NEDD1: variants seen among roughly 807,000 people sequenced by gnomAD.
The protein encoded by NEDD1 is protein NEDD1.
NEDD1 carries 33 observed loss-of-function variants against 74.0 expected under a neutral mutation model. The ratio of observed to expected loss-of-function variants is 0.45; its 90% CI spans 0.34 to 0.60. The LOEUF (loss-of-function observed/expected upper bound fraction) is 0.60, where lower values mean the gene tolerates loss of function less well. Ranked by LOEUF, NEDD1 falls within the 20% of genes least tolerant of loss-of-function variation. The pLI is 0.01. For missense variants in NEDD1, 746 were observed against 776.5 expected, an observed-to-expected ratio of 0.96 and a Z score of 0.47; for synonymous variants, 250 against 264.4, an observed-to-expected ratio of 0.95 and a Z score of 0.53.
chr12:96,907,335 C>T (rs112622130), intron 1 of NEDD1, 35 bp downstream of exon 1: 7,128 of 379,708 alleles, frequency 0.019, 443 homozygotes, highest in African/African-American at 0.13. Flanking sequence ...CAGCGGGCCC[C>T]CGCCCGCCGC....
chr12:96,941,039 G>A (rs577797104), intron 10 of NEDD1, among the ~76,000 whole-genome samples: 173 of 152,124 alleles, frequency 1.1e-3, no homozygotes, highest in Non-Finnish European at 2.3e-3. Flanking sequence ...CATTGTTTAG[G>A]TGTGTCTTTT....
intron 7 of NEDD1, among the ~76,000 whole-genome samples, chr12:96,936,016 G>A (rs1418210603): frequency 1.3e-5 from 2 of 152,056 alleles, no homozygotes; most frequent in Non-Finnish European, 2.9e-5. Context: ...TTTACTGAGA[G>A]CCCAGTAAGC....
At chr12:96,936,576 A>C in intron 7 of NEDD1, 35 bp from the exon 8 acceptor site, 1 of 1,466,004 alleles carries the variant, frequency 6.8e-7, no homozygotes, top group Admixed American at 1.7e-5. Context: ...GTACACACTA[A>C]CATTTCTACA....
Position 96,930,201 on chromosome 12 carries a change from ACACACACACACTCTCTCTCT to A in NEDD1, c.490-4773_490-4754del, listed in dbSNP as rs1391519055. 7.0e-3 allele frequency among the ~76,000 whole-genome samples: 437 copies of A among 62,404 alleles called. 5 individuals are homozygous for A. The highest frequency in any genetic ancestry group is 0.024 in the African/African-American group (425 of 17,648). The allele number at this position is 62,404 out of a possible 152,430, so 40.9% of individuals were successfully genotyped here. A position where few individuals can be genotyped will look rare whatever the true frequency, so the allele number is the denominator to read the frequency against. The stretch of plus-strand genomic sequence containing the variant: ...CACACACACACACACACACACACAC[ACACACACACACTCTCTCTCT>A]CTCTCTCTCTCTCTCTCTCTCTCAC... On this transcript the variant is annotated intron_variant, in intron 6 of 15. Coordinates refer to ENST00000266742, the MANE Select transcript of NEDD1 (RefSeq NM_152905.4).
At position 96,909,242 on chromosome 12, in the gene NEDD1, A is replaced by G. The variant is rs541116603; in HGVS notation, c.-8-510A>G. 1.9e-4 allele frequency among the ~76,000 whole-genome samples: 29 copies of G among 151,756 alleles called. No homozygotes were observed. In the South Asian group the frequency reaches 3.3e-3, roughly 17 times the overall value. On this transcript the variant is annotated intron_variant, in intron 2 of 15. Coordinates refer to ENST00000266742, the MANE Select transcript of NEDD1 (RefSeq NM_152905.4). ...GAAAAAAATGAAATCAGGTATTGGG[A>G]TATAGGGTAAACTGCTAAGTCCCTT...
chr12:96,940,273 TTC>T (rs1877534258), intron 9 of NEDD1, 134 bp from the exon 10 acceptor site: 2 of 463,120 alleles, frequency 4.3e-6, no homozygotes, highest in Non-Finnish European at 7.7e-6. Flanking sequence ...TCTTGTCATA[TTC>T]TGTTTTATTC....
intron 10 of NEDD1, among the ~76,000 whole-genome samples, chr12:96,941,788 T>C (rs1877687469): frequency 1.3e-5 from 2 of 152,152 alleles, no homozygotes; most frequent in South Asian, 4.1e-4. Flanking sequence ...AAAATGTTAC[T>C]AGCATTTGAG....
At position 96,917,641 on chromosome 12, in the gene NEDD1, T is replaced by C. The variant is rs1437567344; in HGVS notation, c.252T>C (p.Asn84=). The change falls in exon 5 of 16, where the codon AAT becomes AAC. Residue 84 remains asparagine (N), a synonymous_variant. Transcript: ENST00000266742. ...AATAGCAAAAGCAGACATGTGTCAA[T>C]TTAAATTCTACATCTATGTATTTGG... The part of the protein sequence containing the change: ...LAEGQKQTCV[N]LNSTSMYLVS... 6.6e-7 allele frequency: 1 copy of C among 1,524,734 alleles called. No homozygotes were observed. The highest frequency in any genetic ancestry group is 8.7e-7 in the Non-Finnish European group (1 of 1,146,976). The allele number at this position is 1,524,734 out of a possible 1,614,324, so 94.5% of individuals were successfully genotyped here. A position where few individuals can be genotyped will look rare whatever the true frequency, so the allele number is the denominator to read the frequency against.
intron 2 of NEDD1, 28 bp downstream of exon 2, chr12:96,907,884 GC>G: frequency 7.6e-7 from 1 of 1,322,892 alleles, no homozygotes; most frequent in South Asian, 2.0e-5. Context: ...CCTCTTCCCC[GC>G]CCCGCTTTAA....
intron 2 of NEDD1, among the ~76,000 whole-genome samples, chr12:96,908,884 T>G (rs1592848088): frequency 6.6e-6 from 1 of 152,036 alleles, no homozygotes; most frequent in Non-Finnish European, 1.5e-5. Flanking sequence ...CAAATAAAAA[T>G]TTCAGATAGT....
Position 96,929,603 on chromosome 12 carries a change from A to G in NEDD1, c.490-5373A>G, listed in dbSNP as rs2371354. The stretch of plus-strand genomic sequence containing the variant: ...CACACACACACACACACACACACAT[A>G]TGTGTATATATATATATATATTTTT... On this transcript the variant is annotated intron_variant, in intron 6 of 15. Transcript: ENST00000266742. Among the ~76,000 whole-genome samples the G allele has an allele frequency of 6.4e-4, 31 of 48,420 alleles. No individual in the cohort carries two copies. In the Middle Eastern group the frequency reaches 0.044, roughly 69 times the overall value. 31.8% of individuals were successfully genotyped at this position (48,420 alleles called of 152,430 possible). A position where few individuals can be genotyped will look rare whatever the true frequency, so the allele number is the denominator to read the frequency against.
intron 4 of NEDD1, among the ~76,000 whole-genome samples, chr12:96,916,293 T>C (rs1341936578): frequency 6.7e-6 from 1 of 149,242 alleles, no homozygotes; most frequent in East Asian, 2.0e-4. Flanking sequence ...TTAGGGTACA[T>C]GTGCACATTG....
chr12:96,917,538 GCTTA>G, intron 4 of NEDD1, 79 bp from the exon 5 acceptor site: 1 of 1,367,538 alleles, frequency 7.3e-7, no homozygotes, highest in Non-Finnish European at 9.5e-7. Flanking sequence ...TTTATCATAT[GCTTA>G]CTAAGTGTTG....
At position 96,936,598 on chromosome 12, in the gene NEDD1, C is replaced by T. The variant is rs780765726; in HGVS notation, c.720-13C>T. On this transcript the variant is annotated splice_polypyrimidine_tract_variant and intron_variant, in intron 7 of 15. Coordinates refer to ENST00000266742, the MANE Select transcript of NEDD1 (RefSeq NM_152905.4). Reference sequence around the variant, plus strand: ...CTAACATTTCTACACATACTTTGTTCTCCTTTCCAAAGGCTAGTGAAAACT... The same window carrying T: ...CTAACATTTCTACACATACTTTGTTTTCCTTTCCAAAGGCTAGTGAAAACT... 2.5e-6 allele frequency: 4 copies of T among 1,595,618 alleles called. No homozygotes were observed. Among genetic ancestry groups the T allele is most frequent in the Admixed American group, 3.3e-5 (2 of 59,932 alleles).
At chr12:96,924,235 A>G (rs1267872698) in intron 6 of NEDD1, among the ~76,000 whole-genome samples, 3 of 152,132 alleles carry the variant, frequency 2.0e-5, no homozygotes, top group Admixed American at 6.5e-5. Context: ...GACTGTTACT[A>G]GTTTTGCTTA....
At chr12:96,927,200 C>T (rs1875807947) in intron 6 of NEDD1, among the ~76,000 whole-genome samples, 1 of 152,110 alleles carries the variant, frequency 6.6e-6, no homozygotes, top group Non-Finnish European at 1.5e-5. Context: ...TATGAACAAT[C>T]ACAAATTTCA....
intron 6 of NEDD1, among the ~76,000 whole-genome samples, chr12:96,923,829 T>TGTGTGTGTGTGTGA (rs1186193892): frequency 8.8e-5 from 13 of 147,400 alleles, no homozygotes; most frequent in East Asian, 2.0e-4. Context: ...TGTGTGTGTG[T>TGTGTGTGTGTGTGA]GAAACTGTAT....
chr12:96,908,009 G>A (rs1177110058), intron 2 of NEDD1, among the ~76,000 whole-genome samples, 153 bp downstream of exon 2: 1 of 152,054 alleles, frequency 6.6e-6, no homozygotes, highest in Non-Finnish European at 1.5e-5. Flanking sequence ...ACTACACCCC[G>A]CAGCTCACCA....
chr12:96,915,333 A>G (rs978400713), intron 4 of NEDD1, among the ~76,000 whole-genome samples: 8 of 152,204 alleles, frequency 5.3e-5, no homozygotes, highest in Admixed American at 5.2e-4. Context: ...CTTTAGTACA[A>G]GATTAGCATG....
Sources: allele counts gnomAD v4.1 joint callset (sites outside exome capture counted in the v4.1 genomes callset), GRCh38; gene constraint gnomAD v4.1.1; transcripts MANE v1.5; gene names NCBI Gene and HGNC (gene_info 2026-07-23, HGNC 2026-07-21).